The following CCSER1 variants were observed in gnomAD, a reference collection of about 807,000 sequenced individuals.
CCSER1 encodes the protein coiled-coil serine rich protein 1, also known as serine-rich coiled-coil domain-containing protein 1.
CCSER1 carries 41 observed loss-of-function variants against 82.0 expected under a neutral mutation model. The observed-to-expected ratio is 0.50, with a 90% CI of 0.39 to 0.65. The LOEUF (loss-of-function observed/expected upper bound fraction) is 0.65, where lower values mean the gene tolerates loss of function less well. CCSER1 is among the 30% of genes least tolerant of loss of function. The probability of loss-of-function intolerance (pLI) is 0.00; values close to 1 mark genes in which losing one functional copy is unlikely to be tolerated. For missense variants in CCSER1, 1,119 were observed against 1,064.2 expected (o/e 1.05, Z -0.72); for synonymous variants, 414 against 383.9 (o/e 1.08, Z -0.92).
chr4:90,935,999 TATA>T (rs1359774348), intron 9 of CCSER1, among the ~76,000 whole-genome samples: 1 of 152,056 alleles, frequency 6.6e-6, no homozygotes, highest in Non-Finnish European at 1.5e-5. Flanking sequence ...TATGTATTTT[TATA>T]ATAATAAAAT....
chr4:90,918,616 T>C (rs1221056825), intron 8 of CCSER1, among the ~76,000 whole-genome samples: 2 of 149,902 alleles, frequency 1.3e-5, no homozygotes, highest in Non-Finnish European at 3.0e-5. Context: ...ACCTATTATG[T>C]CTTTCATGCT....
At chr4:90,632,905 A>G (rs1045305127) in intron 6 of CCSER1, among the ~76,000 whole-genome samples, 1 of 151,956 alleles carries the variant, frequency 6.6e-6, no homozygotes, top group African/African-American at 2.4e-5. Context: ...TATCAAATCA[A>G]TTTACTCATT....
chr4:90,184,292 G>A (rs533087020), intron 1 of CCSER1, among the ~76,000 whole-genome samples: 85 of 152,268 alleles, frequency 5.6e-4, no homozygotes, highest in Middle Eastern at 6.8e-3. Flanking sequence ...CAATCCCATA[G>A]CATCTTGATC....
intron 10 of CCSER1, among the ~76,000 whole-genome samples, chr4:91,480,356 C>A (rs1023565003): frequency 2.6e-5 from 4 of 152,188 alleles, no homozygotes; most frequent in Non-Finnish European, 5.9e-5. Context: ...CACAGTCCCA[C>A]CAACAGTGTA....
intron 5 of CCSER1, among the ~76,000 whole-genome samples, chr4:90,510,768 C>A (rs116729707): frequency 6.6e-6 from 1 of 152,284 alleles, no homozygotes; most frequent in African/African-American, 2.4e-5. Flanking sequence ...GTAGTGATAT[C>A]TCCAGAGAGA....
chr4:90,611,059 C>CTTTTTTTTTTTTTTTTTTTTTTT lies in CCSER1; in HGVS notation c.1725-16946_1725-16945insTTTTTTTTTTTTTTTTTTTTTTT, dbSNP rs201354908. ...TGCCTGGCTAATTTTCTTTTCTTTT[C>CTTTTTTTTTTTTTTTTTTTTTTT]TTTTTTTTTTTTTTTTTTTTGTAGA... On this transcript the variant is annotated intron_variant, in intron 5 of 10. Transcript: ENST00000509176. 4.1e-4 allele frequency among the ~76,000 whole-genome samples: 38 copies of CTTTTTTTTTTTTTTTTTTTTTTT among 93,804 alleles called. 1 individual carries two copies. The highest frequency in any genetic ancestry group is 6.5e-4 in the East Asian group (2 of 3,092). 61.5% of individuals were successfully genotyped at this position (93,804 alleles called of 152,430 possible).
chr4:90,974,729 T>C (rs1369994047), intron 9 of CCSER1, among the ~76,000 whole-genome samples: 3 of 151,434 alleles, frequency 2.0e-5, no homozygotes, highest in African/African-American at 7.3e-5. Flanking sequence ...GTACAACTTT[T>C]GGCAGGTATG....
At position 90,401,734 on chromosome 4, in the gene CCSER1, G is replaced by T. The variant is rs1752903736; in HGVS notation, c.1603+1605G>T. Among the ~76,000 whole-genome samples the T allele has an allele frequency of 2.6e-5, 4 of 152,082 alleles. No homozygotes were observed. The South Asian group carries it at 6.2e-4, about 24-fold the overall frequency. On this transcript the variant is annotated intron_variant, in intron 4 of 10. Transcript: ENST00000509176. ...AGTAGAGACAGGGTTTCACCATGTT[G>T]CCCAGGCTGGTCTTGAACTCTTAGG...
chr4:90,212,099 T>G (rs1195773835), intron 1 of CCSER1, among the ~76,000 whole-genome samples: 1 of 152,212 alleles, frequency 6.6e-6, no homozygotes, highest in African/African-American at 2.4e-5. Context: ...CGGGAGATTC[T>G]TTGTCTTGTC....
intron 8 of CCSER1, among the ~76,000 whole-genome samples, chr4:90,887,615 G>C (rs1366739216): frequency 6.6e-6 from 1 of 152,180 alleles, no homozygotes; most frequent in African/African-American, 2.4e-5. Flanking sequence ...CAGGCACGTT[G>C]GCTCACGCCT....
chr4:91,403,683 A>G (rs1752489693), intron 10 of CCSER1, among the ~76,000 whole-genome samples: 1 of 152,106 alleles, frequency 6.6e-6, no homozygotes, highest in Non-Finnish European at 1.5e-5. Flanking sequence ...TTCTGTTTGT[A>G]TGATGGATTA....
chr4:91,107,653 T>C (rs1725750126), intron 10 of CCSER1, among the ~76,000 whole-genome samples: 1 of 151,486 alleles, frequency 6.6e-6, no homozygotes, highest in Non-Finnish European at 1.5e-5. Context: ...TTTTTTTTTT[T>C]TTTGATGTTT....
chr4:90,653,239 G>A (rs947008914), intron 6 of CCSER1, among the ~76,000 whole-genome samples: 17 of 152,218 alleles, frequency 1.1e-4, no homozygotes, highest in Admixed American at 1.0e-3. Context: ...ACAAGTAACA[G>A]AGTAATGAAG....
intron 5 of CCSER1, among the ~76,000 whole-genome samples, chr4:90,493,882 A>G (rs1269397356): frequency 2.0e-5 from 3 of 152,238 alleles, no homozygotes; most frequent in Non-Finnish European, 4.4e-5. Flanking sequence ...ATCCGCTAAC[A>G]TCATAATGAC....
At chr4:90,854,988 AGTGT>A (rs137938428) in intron 8 of CCSER1, among the ~76,000 whole-genome samples, 1 of 151,074 alleles carries the variant, frequency 6.6e-6, no homozygotes. Context: ...GGCACGAGAG[AGTGT>A]GTGTGTGTGT....
chr4:90,397,881 A>T lies in CCSER1; in HGVS notation c.1510-2155A>T, dbSNP rs150983825. The stretch of plus-strand genomic sequence containing the variant: ...CTTGGTATAATAAAAAATGGTAGTT[A>T]TGTGCTTTGCATTCATTTATTTCCT... On this transcript the variant is annotated intron_variant, in intron 3 of 10. Transcript: ENST00000509176. Among the ~76,000 whole-genome samples, 1,429 of 152,298 alleles carry T rather than the reference A, an allele frequency of 9.4e-3. 15 individuals carry two copies. Among genetic ancestry groups the T allele is most frequent in the South Asian group, 0.03 (146 of 4,830 alleles).
At chr4:90,672,732 G>A (rs913085131) in intron 6 of CCSER1, among the ~76,000 whole-genome samples, 2 of 151,996 alleles carry the variant, frequency 1.3e-5, no homozygotes, top group African/African-American at 4.8e-5. Context: ...AATTTAGGGT[G>A]AGAGAAATTG....
chr4:90,309,611 A>G lies in CCSER1; in HGVS notation c.1324+3A>G. On this transcript the variant is annotated splice_donor_region_variant and intron_variant, in intron 2 of 10. Coordinates refer to ENST00000509176, the MANE Select transcript of CCSER1 (RefSeq NM_001145065.2). The stretch of plus-strand genomic sequence containing the variant: ...ATATGAAGCAAATCCTGCCAAAGGT[A>G]TGCTGATTTTTTTTGTATAACAAAT... The G allele has an allele frequency of 3.2e-6, 5 of 1,550,144 alleles. No homozygotes were observed. The highest frequency in any genetic ancestry group is 1.2e-5 in the South Asian group (1 of 80,934).
intron 1 of CCSER1, among the ~76,000 whole-genome samples, chr4:90,284,290 G>A (rs76584078): frequency 0.012 from 1,831 of 152,132 alleles, 46 homozygotes; most frequent in African/African-American, 0.042. Context: ...TCACTTTGTT[G>A]ATTATTTTCT....
Sources: gnomAD v4.1 joint callset for allele counts (sites outside exome capture counted in the v4.1 genomes callset) on GRCh38, gnomAD v4.1.1 for gene constraint, MANE v1.5 for transcripts, NCBI Gene and HGNC (gene_info 2026-07-23, HGNC 2026-07-21) for gene names.